Variants in IGLON5 observed in about 807,000 individuals in gnomAD.
IGLON5 encodes IgLON family member 5, also known as Ig-like domain-containing protein ENSP00000270642.
IGLON5 carries 16 observed loss-of-function variants against 38.2 expected under a neutral mutation model. The ratio of observed to expected loss-of-function variants is 0.42; its 90% CI spans 0.28 to 0.64. IGLON5 has a LOEUF of 0.64. IGLON5 is among the 30% of genes least tolerant of loss of function. IGLON5 has a pLI of 0.23. For synonymous variants in IGLON5, 207 were observed against 216.4 expected (o/e 0.96, Z 0.38); for missense variants, 366 against 483.4 (o/e 0.76, Z 2.28).
In IGLON5 at chr19:51,323,881, C is replaced by T. The variant is rs1198173806; in HGVS notation, c.378C>T (p.Tyr126=). The T allele has an allele frequency of 2.5e-6, 4 of 1,605,252 alleles. No homozygotes were observed. The highest frequency in any genetic ancestry group is 2.2e-5 in the East Asian group (1 of 44,644). ...ACCAGCCGTACACCACTCAGGTCTA[C>T]CTCATTGTCCACGGTGAGCCCTTGG... ...TRHQPYTTQV[Y]LIVHVPARIV... Residue 126 remains tyrosine (Y), a synonymous_variant, in exon 3 of 8, where the codon TAC becomes TAT. Transcript: ENST00000270642.
At position 51,327,929 on chromosome 19, in the gene IGLON5, C is replaced by G. The variant is rs1344547270; in HGVS notation, c.922+43C>G. The G allele has an allele frequency of 5.7e-5, 54 of 940,480 alleles. No homozygotes were observed. The highest frequency in any genetic ancestry group is 1.4e-4 in the Admixed American group (4 of 28,824). The allele number at this position is 940,480 out of a possible 1,614,324, so 58.3% of individuals were successfully genotyped here. On this transcript the variant is annotated intron_variant, in intron 7 of 7. Transcript: ENST00000270642. The surrounding 1 kb of genome is among the most constrained non-coding windows in gnomAD (Gnocchi z 7.1). ...GCGGGGCCGGGAAGGTGGGCGGGGCCGGGGGCGGGGCTAGGGAAGTGGAGA... is the reference window on the plus strand; with the variant it reads ...GCGGGGCCGGGAAGGTGGGCGGGGCGGGGGGCGGGGCTAGGGAAGTGGAGA...
chr19:51,323,532 A>G, intron 2 of IGLON5, 130 bp from the exon 3 acceptor site: 1 of 724,128 alleles, frequency 1.4e-6, no homozygotes, highest in Non-Finnish European at 2.3e-6. Flanking sequence ...TGGGCACAGC[A>G]GCATCCGCCT....
chr19:51,320,962 A>G (rs1377508061), intron 1 of IGLON5, among the ~76,000 whole-genome samples: 1 of 152,120 alleles, frequency 6.6e-6, no homozygotes, highest in African/African-American at 2.4e-5. Flanking sequence ...ATCTTTGCAT[A>G]GGTACATGTG....
At chr19:51,312,438 G>C (rs1049803275) in intron 1 of IGLON5, among the ~76,000 whole-genome samples, 1 of 152,088 alleles carries the variant, frequency 6.6e-6, no homozygotes, top group African/African-American at 2.4e-5. Flanking sequence ...GCCTTCCCAG[G>C]GTCAGTAAGA....
Position 51,325,430 on chromosome 19 carries a change from G to A in IGLON5, c.476G>A (p.Arg159Gln), listed in dbSNP as rs746860483. 5.6e-6 allele frequency: 9 copies of A among 1,613,632 alleles called. No individual in the cohort carries two copies. Among genetic ancestry groups the A allele is most frequent in the South Asian group, 4.4e-5 (4 of 91,056 alleles). Reference sequence around the variant, plus strand: ...AACCTGCTTTGCCTGGCCGTGGGGCGGCCAGAGCCCACGGTCACCTGGAGA... The same window carrying A: ...AACCTGCTTTGCCTGGCCGTGGGGCAGCCAGAGCCCACGGTCACCTGGAGA... ...NVNLLCLAVG[R>Q]PEPTVTWRQL... Residue 159 changes from arginine to glutamine, a missense_variant, in exon 4 of 8, where the codon CGG becomes CAG. By Grantham distance (43) the Arg-to-Gln change is conservative. Coordinates refer to ENST00000270642, the MANE Select transcript of IGLON5 (RefSeq NM_001101372.3). This position sits in a 1 kb window ranked among gnomAD's most constrained non-coding sequence, Gnocchi z 5.5.
At chr19:51,313,606 TTTC>T (rs575143775) in intron 1 of IGLON5, among the ~76,000 whole-genome samples, 1 of 151,694 alleles carries the variant, frequency 6.6e-6, no homozygotes, top group South Asian at 2.1e-4. Flanking sequence ...TCTTTCCTTC[TTTC>T]TTTCTTTCCT....
rs752190179 is a variant in IGLON5 at position 51,323,852 on chromosome 19, C to T, written c.349C>T (p.Arg117Cys). 3.7e-6 allele frequency: 6 copies of T among 1,613,554 alleles called. No homozygotes were observed. The highest frequency in any genetic ancestry group is 2.2e-5 in the East Asian group (1 of 44,870). ...CCTCTACACCTGCTCCTTCCAGACC[C>T]GCCACCAGCCGTACACCACTCAGGT... ...EGLYTCSFQT[R>C]HQPYTTQVYL... The change falls in exon 3 of 8, where the codon CGC becomes TGC. Residue 117 changes from arginine to cysteine, a missense_variant. Physicochemically the swap from Arg to Cys is radical, Grantham distance 180. Coordinates refer to ENST00000270642, the MANE Select transcript of IGLON5 (RefSeq NM_001101372.3).
chr19:51,328,582 T>C (rs1365119302), intron 7 of IGLON5, 89 bp from the exon 8 acceptor site: 2 of 581,212 alleles, frequency 3.4e-6, no homozygotes, highest in Admixed American at 7.6e-5. Context: ...CGCTAAAGAG[T>C]GGGCTCAGAA....
chr19:51,327,172 G>T lies in IGLON5; in HGVS notation c.739G>T (p.Asp247Tyr). 1 of 1,612,492 alleles carries T rather than the reference G, an allele frequency of 6.2e-7. No homozygotes were observed. The highest frequency in any genetic ancestry group is 8.5e-7 in the Non-Finnish European group (1 of 1,179,678). ...CGAAGCCATGGCGGTTCCCCCCGCGGATTTCCAGTGGTACAAGGATGACAG... is the reference window on the plus strand; with the variant it reads ...CGAAGCCATGGCGGTTCCCCCCGCGTATTTCCAGTGGTACAAGGATGACAG... Reference protein sequence around the residue: ...RCEAMAVPPADFQWYKDDRLL... With the variant: ...RCEAMAVPPAYFQWYKDDRLL... Residue 247 changes from aspartate (D) to tyrosine (Y), a missense_variant, in exon 6 of 8, where the codon GAT becomes TAT. Physicochemically the swap from Asp to Tyr is radical, Grantham distance 160 (BLOSUM62 -3). Transcript: ENST00000270642. This position sits in a 1 kb window ranked among gnomAD's most constrained non-coding sequence, Gnocchi z 7.1.
At chr19:51,322,473 G>GAGAGAAGGGGACAGAGATCCAGC (rs1568458597) in intron 2 of IGLON5, among the ~76,000 whole-genome samples, 3 of 149,704 alleles carry the variant, frequency 2.0e-5, no homozygotes, top group Admixed American at 6.6e-5. Flanking sequence ...CAGAGATCCA[G>GAGAGAAGGGGACAGAGATCCAGC]AGAGAAGGGG....
intron 1 of IGLON5, among the ~76,000 whole-genome samples, chr19:51,313,446 T>A (rs1448095127): frequency 6.6e-6 from 1 of 152,254 alleles, no homozygotes; most frequent in Non-Finnish European, 1.5e-5. Flanking sequence ...CTTTTCAGAC[T>A]GTTGCCCATT....
chr19:51,328,522 AG>A (rs1280196787), intron 7 of IGLON5, 148 bp from the exon 8 acceptor site: 24 of 433,230 alleles, frequency 5.5e-5, no homozygotes, highest in African/African-American at 1.7e-4. Context: ...AAAAAAAAAA[AG>A]AAACAGAGTC....
intron 2 of IGLON5, 113 bp from the exon 3 acceptor site, chr19:51,323,549 G>A (rs1169023550): frequency 1.2e-5 from 10 of 824,906 alleles, no homozygotes; most frequent in Non-Finnish European, 1.9e-5. Flanking sequence ...GCCTCACAGG[G>A]CTGTGGTGGG....
At chr19:51,326,669 C>T in intron 4 of IGLON5, 95 bp from the exon 5 acceptor site, 1 of 584,402 alleles carries the variant, frequency 1.7e-6, no homozygotes. Context: ...CCTTGCCGTG[C>T]CCGCCCCGCT....
chr19:51,328,943 G>A lies in IGLON5; in HGVS notation c.*184G>A. 1 of 508,948 alleles carries A rather than the reference G, an allele frequency of 2.0e-6. No homozygotes were observed. The highest frequency in any genetic ancestry group is 3.5e-6 in the Non-Finnish European group (1 of 286,864). The allele number at this position is 508,948 out of a possible 1,614,324, so 31.5% of individuals were successfully genotyped here. ...CTTCAGAGAACCCATCACTGTGAGGGATAACGCAAAATTATGCATCTTTCT... is the reference window on the plus strand; with the variant it reads ...CTTCAGAGAACCCATCACTGTGAGGAATAACGCAAAATTATGCATCTTTCT... On this transcript the variant is annotated 3_prime_UTR_variant, in exon 8 of 8. Coordinates refer to ENST00000270642, the MANE Select transcript of IGLON5 (RefSeq NM_001101372.3).
At chr19:51,318,488 C>A (rs1393085348) in intron 1 of IGLON5, among the ~76,000 whole-genome samples, 2 of 152,070 alleles carry the variant, frequency 1.3e-5, no homozygotes, top group East Asian at 3.8e-4. Context: ...CTCACGCCTG[C>A]AATACCAACA....
At chr19:51,326,717 A>C (rs1985223810) in intron 4 of IGLON5, 47 bp from the exon 5 acceptor site, 1 of 1,318,912 alleles carries the variant, frequency 7.6e-7, no homozygotes, top group Non-Finnish European at 1.0e-6. Context: ...GTCCCGTGTT[A>C]AGTGTTTGTG....
chr19:51,320,703 C>G (rs961067275), intron 1 of IGLON5, among the ~76,000 whole-genome samples: 1 of 152,094 alleles, frequency 6.6e-6, no homozygotes, highest in African/African-American at 2.4e-5. Context: ...ATTTGTGCAT[C>G]TGTGATGGAT....
chr19:51,318,468 G>C (rs1054144089), intron 1 of IGLON5, among the ~76,000 whole-genome samples: 2 of 152,176 alleles, frequency 1.3e-5, no homozygotes, highest in Middle Eastern at 3.2e-3. Context: ...GCCCTGACCA[G>C]GCACTCTGGC....
Sources: gnomAD v4.1 joint callset for allele counts (sites outside exome capture counted in the v4.1 genomes callset) on GRCh38, gnomAD v4.1.1 for gene constraint, Gnocchi (gnomAD v3.1) non-coding constraint, MANE v1.5 for transcripts, NCBI Gene and HGNC (gene_info 2026-07-23, HGNC 2026-07-21) for gene names.